CC2D2A: variants seen among roughly 807,000 people sequenced by gnomAD.
CC2D2A encodes coiled-coil and C2 domain containing 2A.
CC2D2A carries 155 observed loss-of-function variants against 212.9 expected under a neutral mutation model. The ratio of observed to expected loss-of-function variants is 0.73; its 90% confidence interval spans 0.64 to 0.83. The LOEUF (loss-of-function observed/expected upper bound fraction) is 0.83. Among genes scored for constraint, CC2D2A ranks in the 40% least tolerant of loss-of-function variants. The pLI, the probability that CC2D2A is intolerant of heterozygous loss-of-function variation, is 0.00. For missense variants in CC2D2A, 1,856 were observed against 1,956.2 expected (o/e 0.95, Z 0.97); for synonymous variants, 667 against 686.5 (o/e 0.97, Z 0.44).
chr4:15,471,555 C>A (rs1472295967), intron 1 of CC2D2A, among the ~76,000 whole-genome samples: 1 of 151,682 alleles, frequency 6.6e-6, no homozygotes, highest in Non-Finnish European at 1.5e-5. Context: ...CATTTTACTA[C>A]ACACATTTCA....
chr4:15,533,391 T>A (rs1447906183), intron 14 of CC2D2A, 58 bp downstream of exon 14: 1 of 1,242,522 alleles, frequency 8.0e-7, no homozygotes, highest in African/African-American at 1.6e-5. Context: ...GAAAAATGTA[T>A]AAAACATGGA....
chr4:15,503,828 G>A (rs1328281833), intron 6 of CC2D2A, among the ~76,000 whole-genome samples: 1 of 152,176 alleles, frequency 6.6e-6, no homozygotes, highest in Non-Finnish European at 1.5e-5. Context: ...AACAGATTTA[G>A]GAAGTGTTTC....
At chr4:15,588,463 T>C (rs1176815399) in intron 32 of CC2D2A, among the ~76,000 whole-genome samples, 2 of 152,172 alleles carry the variant, frequency 1.3e-5, no homozygotes, top group African/African-American at 2.4e-5. Context: ...TGGAGACTAT[T>C]AGAATTTTTC....
chr4:15,528,486 A>G, intron 12 of CC2D2A, 134 bp from the exon 13 acceptor site: 2 of 640,558 alleles, frequency 3.1e-6, no homozygotes, highest in South Asian at 3.8e-5. Context: ...GTCTGGAGAC[A>G]GCCAGATGCT....
chr4:15,511,253 C>T lies in CC2D2A; in HGVS notation c.547C>T (p.Pro183Ser), dbSNP rs769640727. ...RKIKPKPQVP[P>S]GFPSAEEAYN... Reference sequence around the variant, plus strand: ...GCTCCTTGCTTTTCGTTAGGTTCCACCTGGCTTCCCTTCTGCAGAAGAGGC... The same window carrying T: ...GCTCCTTGCTTTTCGTTAGGTTCCATCTGGCTTCCCTTCTGCAGAAGAGGC... Residue 183 changes from proline (P) to serine (S), a missense_variant, in exon 8 of 37, where the codon CCT (proline) becomes TCT (serine). Pro to Ser is a moderately conservative substitution (Grantham distance 74). Coordinates refer to ENST00000424120, the MANE Select transcript of CC2D2A (RefSeq NM_001378615.1). The T allele has an allele frequency of 6.3e-7, 1 of 1,598,446 alleles. No homozygotes were observed. Among genetic ancestry groups the T allele is most frequent in the South Asian group, 1.1e-5 (1 of 87,432 alleles).
chr4:15,500,107 G>GTGTGTGTGTA (rs1479141284), intron 4 of CC2D2A, among the ~76,000 whole-genome samples: 3 of 112,948 alleles, frequency 2.7e-5, no homozygotes, highest in East Asian at 4.8e-4. Flanking sequence ...GTGTGTGTGT[G>GTGTGTGTGTA]TATATATATA....
At chr4:15,498,497 C>T (rs945097051) in intron 4 of CC2D2A, among the ~76,000 whole-genome samples, 1 of 152,124 alleles carries the variant, frequency 6.6e-6, no homozygotes, top group African/African-American at 2.4e-5. Context: ...AGCCCTTCCT[C>T]GAGCCTGGCA....
At chr4:15,490,850 A>C (rs1577320449) in intron 4 of CC2D2A, among the ~76,000 whole-genome samples, 1 of 151,040 alleles carries the variant, frequency 6.6e-6, no homozygotes, top group East Asian at 1.9e-4. Context: ...TAAGAAAAGC[A>C]CTGTGAAAAT....
chr4:15,579,969 T>A lies in CC2D2A; in HGVS notation c.3773T>A (p.Phe1258Tyr), dbSNP rs1485903880. The change falls in exon 30 of 37, where the codon TTT becomes TAT. Residue 1258 changes from phenylalanine (F) to tyrosine (Y), a missense_variant and splice_region_variant. By Grantham distance (22) the Phe-to-Tyr change is conservative (BLOSUM62 3). This residue lies in a region of CC2D2A where 1,512 missense variants were observed against 1,579.3 expected (regional missense o/e 0.96). Coordinates refer to ENST00000424120, the MANE Select transcript of CC2D2A (RefSeq NM_001378615.1). ...LVPGESIREK[F>Y]ESQEDEKLLQ... ...TCCATGAAGTCTTTCTTTTTGAAGT[T>A]TGAGTCTCAGGAAGATGAGAAATTA... 6.2e-7 allele frequency: 1 copy of A among 1,612,036 alleles called. No homozygotes were observed. Among genetic ancestry groups the A allele is most frequent in the Non-Finnish European group, 8.5e-7 (1 of 1,178,980 alleles).
intron 33 of CC2D2A, among the ~76,000 whole-genome samples, chr4:15,591,664 C>T (rs773076401): frequency 2.0e-5 from 3 of 152,028 alleles, no homozygotes; most frequent in Non-Finnish European, 4.4e-5. Context: ...TGTGGAACAC[C>T]ATTCTCATGT....
intron 30 of CC2D2A, among the ~76,000 whole-genome samples, chr4:15,583,233 C>CAG (rs1405424543): frequency 6.6e-6 from 1 of 152,178 alleles, no homozygotes; most frequent in African/African-American, 2.4e-5. Context: ...TAACATCATA[C>CAG]TGAACAGTGA....
intron 32 of CC2D2A, among the ~76,000 whole-genome samples, chr4:15,589,063 C>T (rs1024913417): frequency 6.6e-6 from 1 of 151,842 alleles, no homozygotes. Flanking sequence ...TCCCCAGGTA[C>T]AGTCATTCTT....
chr4:15,580,242 T>TA, intron 30 of CC2D2A, 71 bp downstream of exon 30: 2 of 1,120,562 alleles, frequency 1.8e-6, no homozygotes, highest in Non-Finnish European at 2.7e-6. Context: ...CCATTTTAAT[T>TA]ACCATATTTC....
intron 35 of CC2D2A, among the ~76,000 whole-genome samples, chr4:15,598,322 A>G (rs1721409610): frequency 1.3e-5 from 2 of 152,336 alleles, no homozygotes; most frequent in Non-Finnish European, 1.5e-5. Context: ...CTACTGAACA[A>G]TGAGAAGCTA....
intron 4 of CC2D2A, among the ~76,000 whole-genome samples, chr4:15,493,271 T>A (rs1238011496): frequency 6.6e-6 from 1 of 151,964 alleles, no homozygotes; most frequent in African/African-American, 2.4e-5. Context: ...TTTATTTATT[T>A]ACTTACTTAC....
At chr4:15,571,403 G>C (rs759042944) in intron 28 of CC2D2A, among the ~76,000 whole-genome samples, 1 of 152,076 alleles carries the variant, frequency 6.6e-6, no homozygotes, top group East Asian at 1.9e-4. Context: ...TTCTGAAATC[G>C]CTTTGAAGTC....
In CC2D2A at chr4:15,563,439, C is replaced by T; in HGVS notation, c.3099C>T (p.Ala1033=). The T allele has an allele frequency of 6.2e-7, 1 of 1,611,392 alleles. No individual in the cohort carries two copies. Among genetic ancestry groups the T allele is most frequent in the Non-Finnish European group, 8.5e-7 (1 of 1,178,830 alleles). The change falls in exon 24 of 37, where the codon GCC becomes GCT. Residue 1033 remains alanine (A), a synonymous_variant. Transcript: ENST00000424120. ...GAAAAGGTCGGAAGAAGGTGACAGCCCAAAACCTGTCTGATGGAGACATAA... is the reference window on the plus strand; with the variant it reads ...GAAAAGGTCGGAAGAAGGTGACAGCTCAAAACCTGTCTGATGGAGACATAA... ...PRRKGRKKVT[A]QNLSDGDIKL... is the part of the protein sequence containing the mutation.
intron 13 of CC2D2A, among the ~76,000 whole-genome samples, chr4:15,529,318 G>A (rs1009289112): frequency 6.6e-6 from 1 of 151,886 alleles, no homozygotes; most frequent in African/African-American, 2.4e-5. Flanking sequence ...AGAGTTTGAG[G>A]CTGCAGTGAG....
intron 20 of CC2D2A, 136 bp from the exon 21 acceptor site, chr4:15,557,168 T>A (rs902805246): frequency 1.7e-6 from 1 of 572,216 alleles, no homozygotes; most frequent in African/African-American, 1.9e-5. Context: ...TGACTCATTA[T>A]TATTATATTT....
Sources: allele counts gnomAD v4.1 joint callset (sites outside exome capture counted in the v4.1 genomes callset), GRCh38; gene constraint gnomAD v4.1.1; regional missense constraint gnomAD v4.1.1; transcripts MANE v1.5; gene names NCBI Gene and HGNC (gene_info 2026-07-23, HGNC 2026-07-21).